The following NELFCD variants were observed in gnomAD, a reference collection of about 807,000 sequenced individuals.
NELFCD encodes negative elongation factor C/D.
NELFCD carries 48 observed loss-of-function variants against 72.9 expected under a neutral mutation model. The ratio of observed to expected loss-of-function variants is 0.66; its 90% CI spans 0.52 to 0.84. The LOEUF (loss-of-function observed/expected upper bound fraction) is 0.84. Among genes scored for constraint, NELFCD ranks in the 40% least tolerant of loss-of-function variants. NELFCD has a pLI of 0.00. For synonymous variants in NELFCD, 297 were observed against 280.6 expected, an observed-to-expected ratio of 1.06 and a Z score of -0.59; for missense variants, 538 against 723.8, an observed-to-expected ratio of 0.74 and a Z score of 2.94.
intron 10 of NELFCD, among the ~76,000 whole-genome samples, chr20:58,992,434 A>G (rs2091824057): frequency 6.6e-6 from 1 of 152,222 alleles, no homozygotes; most frequent in South Asian, 2.1e-4. Flanking sequence ...ATGAAGAAAG[A>G]GTTTGCTAAA....
In NELFCD at chr20:58,994,192, G is replaced by A; in HGVS notation, c.1664G>A (p.Gly555Asp). 6.2e-7 allele frequency: 1 copy of A among 1,614,154 alleles called. No individual in the cohort carries two copies. The highest frequency in any genetic ancestry group is 8.5e-7 in the Non-Finnish European group (1 of 1,180,002). ...LPILENDSIA[G>D]TIKTEGEHDP... Reference sequence around the variant, plus strand: ...ATCCTGGAGAATGACAGCATCGCAGGTACCATCAAAACGGAAGGCGAGCAT... The same window carrying A: ...ATCCTGGAGAATGACAGCATCGCAGATACCATCAAAACGGAAGGCGAGCAT... The change falls in exon 14 of 15, where the codon GGT becomes GAT. Residue 555 changes from glycine to aspartate, a missense_variant. Around this residue, in one of 3 missense-constraint regions of NELFCD, gnomAD observed 136 missense variants for 154.0 expected, o/e 0.88. Transcript: ENST00000652272.
Position 58,986,348 on chromosome 20 carries a change from CT to C in NELFCD, c.176+155del, listed in dbSNP as rs1173622375. The C allele has an allele frequency of 0.085, 38,464 of 449,872 alleles. No individual in the cohort carries two copies. Among genetic ancestry groups the C allele is most frequent in the South Asian group, 0.1 (3,309 of 32,526 alleles). 27.9% of individuals were successfully genotyped at this position (449,872 alleles called of 1,614,324 possible). Reference sequence around the variant, plus strand: ...CTTCAAGGGGGGGTCCCCTCTGCCACTTTTTTTTTTTTTTTAAATTTTTTTA... The same window carrying C: ...CTTCAAGGGGGGGTCCCCTCTGCCACTTTTTTTTTTTTTTAAATTTTTTTA... On this transcript the variant is annotated intron_variant, in intron 2 of 14. Coordinates refer to ENST00000652272, the MANE Select transcript of NELFCD (RefSeq NM_198976.4). This position sits in a 1 kb window ranked among gnomAD's most constrained non-coding sequence, Gnocchi z 4.4.
Position 58,986,613 on chromosome 20 carries a change from G to T in NELFCD, c.177-141G>T. 1 of 734,448 alleles carries T rather than the reference G, an allele frequency of 1.4e-6. No individual in the cohort carries two copies. Among genetic ancestry groups the T allele is most frequent in the Non-Finnish European group, 2.5e-6 (1 of 404,794 alleles). The allele number at this position is 734,448 out of a possible 1,614,324, so 45.5% of individuals were successfully genotyped here. A position where few individuals can be genotyped will look rare whatever the true frequency, so the allele number is the denominator to read the frequency against. On this transcript the variant is annotated intron_variant, in intron 2 of 14. Coordinates refer to ENST00000652272, the MANE Select transcript of NELFCD (RefSeq NM_198976.4). This position sits in a 1 kb window ranked among gnomAD's most constrained non-coding sequence, Gnocchi z 4.4. ...CCACCTCTGCCTCCCAAAGTGCTGGGATTACAGGTGTGCACCACTGCACCC... is the reference window on the plus strand; with the variant it reads ...CCACCTCTGCCTCCCAAAGTGCTGGTATTACAGGTGTGCACCACTGCACCC...
At position 58,994,748 on chromosome 20, in the gene NELFCD, T is replaced by C; in HGVS notation, c.*72T>C. ...GTGGAAAAACCCTTTCAAGAAGCTGTTTTAAGAGGCTCGGGCAGCGTCTTG... is the reference window on the plus strand; with the variant it reads ...GTGGAAAAACCCTTTCAAGAAGCTGCTTTAAGAGGCTCGGGCAGCGTCTTG... On this transcript the variant is annotated 3_prime_UTR_variant, in exon 15 of 15. Transcript: ENST00000652272. 7.6e-7 allele frequency: 1 copy of C among 1,324,294 alleles called. No individual in the cohort carries two copies. Among genetic ancestry groups the C allele is most frequent in the Non-Finnish European group, 1.1e-6 (1 of 924,626 alleles). The allele number at this position is 1,324,294 out of a possible 1,614,324, so 82.0% of individuals were successfully genotyped here. A position where few individuals can be genotyped will look rare whatever the true frequency, so the allele number is the denominator to read the frequency against.
At chr20:58,982,955 C>G (rs163778) in intron 1 of NELFCD, among the ~76,000 whole-genome samples, 144,374 of 152,010 alleles carry the variant, frequency 0.95, 68,646 homozygotes, top group East Asian at 1. Flanking sequence ...AAAAGACTTA[C>G]TGACCTGCCC....
At chr20:58,992,460 A>G (rs2091824220) in intron 10 of NELFCD, among the ~76,000 whole-genome samples, 1 of 152,230 alleles carries the variant, frequency 6.6e-6, no homozygotes. Flanking sequence ...GTAAACTTCA[A>G]CCCAGTCCAC....
rs977872304 is a variant in NELFCD at position 58,981,907 on chromosome 20, A to G, written c.60+538A>G. On this transcript the variant is annotated intron_variant, in intron 1 of 14. Transcript: ENST00000652272. ...CATCTGTTTTTGGGCAAACTGATGG[A>G]AAGGATTTTCGGGCCTTGACCTTCC... 2.0e-5 allele frequency among the ~76,000 whole-genome samples: 3 copies of G among 152,318 alleles called. No homozygotes were observed. In the East Asian group the frequency reaches 5.8e-4, roughly 29 times the overall value.
At chr20:58,987,459 G>C (rs981918239) in intron 3 of NELFCD, 5 of 481,462 alleles carry the variant, frequency 1.0e-5, no homozygotes, top group Non-Finnish European at 1.5e-5. Flanking sequence ...TCCTCAGTGA[G>C]GCTCTGCAGA....
intron 3 of NELFCD, 94 bp from the exon 4 acceptor site, chr20:58,987,614 T>G: frequency 1.0e-6 from 1 of 984,040 alleles, no homozygotes; most frequent in South Asian, 1.5e-5. Context: ...TCTTTGGTAT[T>G]TGATTCACAT....
Position 58,986,552 on chromosome 20 carries a change from T to C in NELFCD, c.177-202T>C, listed in dbSNP as rs1305366555. ...AGAGACAGGGCTCCTTACGTTGCCCTGGCTGCTCTTGAACTCCTAGGCTCA... is the reference window on the plus strand; with the variant it reads ...AGAGACAGGGCTCCTTACGTTGCCCCGGCTGCTCTTGAACTCCTAGGCTCA... On this transcript the variant is annotated intron_variant, in intron 2 of 14. Transcript: ENST00000652272. The surrounding 1 kb of genome is among the most constrained non-coding windows in gnomAD (Gnocchi z 4.4). The C allele has an allele frequency of 1.5e-5, 9 of 589,472 alleles. No individual in the cohort carries two copies. The African/African-American group carries it at 1.7e-4, about 11-fold the overall frequency. 36.5% of individuals were successfully genotyped at this position (589,472 alleles called of 1,614,324 possible).
At chr20:58,990,046 C>G in intron 7 of NELFCD, 58 bp downstream of exon 7, 1 of 1,587,410 alleles carries the variant, frequency 6.3e-7, no homozygotes. Flanking sequence ...CAAAACCCTT[C>G]CCATGGCCCG....
rs757125374 is a variant in NELFCD at position 58,993,509 on chromosome 20, G to C, written c.1405G>C (p.Glu469Gln). The C allele has an allele frequency of 6.2e-6, 10 of 1,614,192 alleles. No homozygotes were observed. The highest frequency in any genetic ancestry group is 6.8e-6 in the Non-Finnish European group (8 of 1,180,040). The change falls in exon 12 of 15, where the codon GAG becomes CAG. Residue 469 changes from glutamate to glutamine, a missense_variant. Transcript: ENST00000652272. This position sits in a 1 kb window ranked among gnomAD's most constrained non-coding sequence, Gnocchi z 5.0. The part of the protein sequence containing the change: ...QVLQLLVKLF[E>Q]TEHSQLDVME... ...CCTGCAGCTGCTTGTTAAGCTTTTT[G>C]AGACTGAGCACTCCCAGCTGGACGT...
chr20:58,984,284 T>C (rs1017225176), intron 1 of NELFCD, among the ~76,000 whole-genome samples: 3 of 152,270 alleles, frequency 2.0e-5, no homozygotes, highest in Admixed American at 6.5e-5. Flanking sequence ...CGTTTTTTCC[T>C]GAAGGAGATG....
Position 58,986,916 on chromosome 20 carries a change from T to A in NELFCD, c.286+53T>A. ...CTAGTTACCCCCACTTTTTTAAAAA[T>A]AGACTTTTGGGTCCTTATAACACTG... is the stretch of plus-strand genomic sequence containing the variant. On this transcript the variant is annotated intron_variant, in intron 3 of 14. Coordinates refer to ENST00000652272, the MANE Select transcript of NELFCD (RefSeq NM_198976.4). This position sits in a 1 kb window ranked among gnomAD's most constrained non-coding sequence, Gnocchi z 4.4. 2 of 1,198,102 alleles carry A rather than the reference T, an allele frequency of 1.7e-6. No homozygotes were observed. Among genetic ancestry groups the A allele is most frequent in the Non-Finnish European group, 2.4e-6 (2 of 819,216 alleles). 74.2% of individuals were successfully genotyped at this position (1,198,102 alleles called of 1,614,324 possible). A position where few individuals can be genotyped will look rare whatever the true frequency, so the allele number is the denominator to read the frequency against.
chr20:58,991,607 A>G, intron 9 of NELFCD, 161 bp downstream of exon 9: 1 of 837,256 alleles, frequency 1.2e-6, no homozygotes, highest in South Asian at 1.8e-5. Flanking sequence ...AAACGTCTCC[A>G]GAAAATGTGC....
chr20:58,984,659 C>G (rs1349633156), intron 1 of NELFCD, among the ~76,000 whole-genome samples: 1 of 152,064 alleles, frequency 6.6e-6, no homozygotes, highest in Non-Finnish European at 1.5e-5. Context: ...AGTTTTGGAC[C>G]TAAAGAGTTT....
intron 1 of NELFCD, among the ~76,000 whole-genome samples, chr20:58,983,211 G>T (rs932250717): frequency 1.2e-4 from 17 of 146,406 alleles, no homozygotes; most frequent in African/African-American, 4.3e-4. Flanking sequence ...ATCTCAGCTC[G>T]CTGCAACTGC....
chr20:58,987,782 C>T lies in NELFCD; in HGVS notation c.361C>T (p.Arg121Cys), dbSNP rs746428539. ...KSLLIKHFDP[R>C]KADSIFTEEG... ...TTTGCTGATCAAACATTTTGACCCC[C>T]GCAAAGCAGATTCTATTTTTACTGA... The change falls in exon 4 of 15, where the codon CGC becomes TGC. Residue 121 changes from arginine to cysteine, a missense_variant. Arg to Cys is a radical substitution (Grantham distance 180). Transcript: ENST00000652272. 5.0e-6 allele frequency: 8 copies of T among 1,614,006 alleles called. No homozygotes were observed. The Admixed American group carries it at 5.0e-5, about 10-fold the overall frequency.
intron 1 of NELFCD, among the ~76,000 whole-genome samples, chr20:58,983,468 C>G (rs886983326): frequency 5.0e-5 from 7 of 140,650 alleles, no homozygotes; most frequent in Non-Finnish European, 9.1e-5. Context: ...GAGACGGAGT[C>G]TCACTCTGTC....
Sources: gnomAD v4.1 joint callset for allele counts (sites outside exome capture counted in the v4.1 genomes callset) on GRCh38, gnomAD v4.1.1 for gene constraint, gnomAD v4.1.1 regional missense constraint, Gnocchi (gnomAD v3.1) non-coding constraint, MANE v1.5 for transcripts, NCBI Gene and HGNC (gene_info 2026-07-23, HGNC 2026-07-21) for gene names.